BMP2K: variants seen among roughly 807,000 people sequenced by gnomAD.
BMP2K encodes BMP2 inducible kinase.
BMP2K carries 74 observed loss-of-function variants against 116.0 expected under a neutral mutation model. The observed-to-expected ratio is 0.64, with a 90% CI of 0.53 to 0.77. The LOEUF (loss-of-function observed/expected upper bound fraction) is 0.77. Ranked by LOEUF, BMP2K falls within the 30% of genes least tolerant of loss-of-function variation. The pLI is 0.00. For synonymous variants in BMP2K, 486 were observed against 502.5 expected (o/e 0.97, Z 0.44); for missense variants, 1,365 against 1,403.6 (o/e 0.97, Z 0.44).
intron 1 of BMP2K, among the ~76,000 whole-genome samples, chr4:78,818,353 T>C (rs1189991144): frequency 6.6e-6 from 1 of 152,204 alleles, no homozygotes; most frequent in African/African-American, 2.4e-5. Context: ...TCTTCCACAA[T>C]GGTTGAACTT....
chr4:78,904,309 A>G (rs1243683696), intron 15 of BMP2K, among the ~76,000 whole-genome samples: 1 of 151,926 alleles, frequency 6.6e-6, no homozygotes, highest in African/African-American at 2.4e-5. Flanking sequence ...GGCCTAATAT[A>G]GGGAGATAAG....
intron 14 of BMP2K, among the ~76,000 whole-genome samples, chr4:78,881,090 G>A (rs1191259829): frequency 1.3e-5 from 2 of 152,152 alleles, no homozygotes; most frequent in African/African-American, 4.8e-5. Context: ...TCACTCAACT[G>A]CTGTTAGTCT....
intron 1 of BMP2K, among the ~76,000 whole-genome samples, chr4:78,788,901 T>G (rs1342907318): frequency 1.3e-5 from 2 of 151,194 alleles, no homozygotes; most frequent in Non-Finnish European, 3.0e-5. Context: ...GGCTGTTTTT[T>G]TTTTTTTTTT....
In BMP2K at chr4:78,870,921, A is replaced by G. The variant is rs761424407; in HGVS notation, c.1370A>G (p.His457Arg). 27 of 1,611,836 alleles carry G rather than the reference A, an allele frequency of 1.7e-5. No homozygotes were observed. The highest frequency in any genetic ancestry group is 2.7e-5 in the African/African-American group (2 of 72,854). Residue 457 changes from histidine to arginine, a missense_variant, in exon 11 of 16, where the codon CAT (histidine) becomes CGT (arginine). His to Arg is a conservative substitution (Grantham distance 29). This residue lies in a region of BMP2K where 762 missense variants were observed against 756.7 expected (regional missense o/e 1.01). Coordinates refer to ENST00000502613, the MANE Select transcript of BMP2K (RefSeq NM_198892.2). Reference protein sequence around the residue: ...RLQQLHLQHRHPHQQQQQQQQ... With the variant: ...RLQQLHLQHRRPHQQQQQQQQ... ...CAGCAACTCCATTTACAGCATCGTC[A>G]TCCTCACCAGCAGCAGCAGCAGCAG...
intron 1 of BMP2K, among the ~76,000 whole-genome samples, chr4:78,779,739 T>C (rs1000764305): frequency 2.6e-5 from 4 of 152,214 alleles, no homozygotes; most frequent in African/African-American, 9.6e-5. Flanking sequence ...AAGCAGATTC[T>C]CAGGGGTAGG....
At chr4:78,871,721 A>G (rs1375567653) in intron 11 of BMP2K, 129 bp from the exon 12 acceptor site, 2 of 526,268 alleles carry the variant, frequency 3.8e-6, no homozygotes, top group African/African-American at 3.9e-5. Context: ...AGTAATTTAG[A>G]GTATAGCTAT....
intron 15 of BMP2K, among the ~76,000 whole-genome samples, chr4:78,900,972 GA>G (rs1733970621): frequency 6.6e-6 from 1 of 152,096 alleles, no homozygotes. Context: ...ATTGACTTTG[GA>G]ATTATAAAAC....
At chr4:78,864,865 CT>C (rs893159869) in intron 9 of BMP2K, among the ~76,000 whole-genome samples, 1 of 151,684 alleles carries the variant, frequency 6.6e-6, no homozygotes, top group African/African-American at 2.4e-5. Context: ...AATATTTTAC[CT>C]TTTTTGTTTT....
chr4:78,811,244 G>A (rs1190827871), intron 1 of BMP2K, among the ~76,000 whole-genome samples: 2 of 152,268 alleles, frequency 1.3e-5, no homozygotes, highest in East Asian at 3.9e-4. Flanking sequence ...AGAATCCTTG[G>A]AGTTTATCTG....
At chr4:78,809,098 C>T (rs1317579744) in intron 1 of BMP2K, among the ~76,000 whole-genome samples, 1 of 152,140 alleles carries the variant, frequency 6.6e-6, no homozygotes, top group Non-Finnish European at 1.5e-5. Flanking sequence ...CTCCTCAATT[C>T]TGTCAGTTTT....
chr4:78,838,354 A>T (rs1730595372), intron 3 of BMP2K, among the ~76,000 whole-genome samples: 1 of 152,182 alleles, frequency 6.6e-6, no homozygotes, highest in South Asian at 2.1e-4. Context: ...TTTTTTGTTC[A>T]AAGTTTTCTT....
intron 3 of BMP2K, among the ~76,000 whole-genome samples, chr4:78,838,134 C>T (rs1356593719): frequency 6.6e-6 from 1 of 152,186 alleles, no homozygotes; most frequent in Non-Finnish European, 1.5e-5. Context: ...ATGTGGATGG[C>T]AGCAGACAGA....
chr4:78,831,344 A>G (rs1560519579), intron 2 of BMP2K, among the ~76,000 whole-genome samples: 1 of 152,252 alleles, frequency 6.6e-6, no homozygotes, highest in Non-Finnish European at 1.5e-5. Flanking sequence ...TGACAGAGAC[A>G]CAAACTGAGC....
chr4:78,829,406 T>G (rs1227053568), intron 2 of BMP2K, among the ~76,000 whole-genome samples: 1 of 138,036 alleles, frequency 7.2e-6, no homozygotes, highest in Non-Finnish European at 1.5e-5. Context: ...TTTTTTGTTT[T>G]TTTTTTTTTT....
intron 9 of BMP2K, among the ~76,000 whole-genome samples, chr4:78,862,186 T>C (rs1034687783): frequency 1.3e-5 from 2 of 152,088 alleles, no homozygotes; most frequent in Admixed American, 1.3e-4. Flanking sequence ...CAAAAATATA[T>C]TTGTTCATAT....
At chr4:78,826,793 C>G (rs1212883169) in intron 2 of BMP2K, among the ~76,000 whole-genome samples, 1 of 151,370 alleles carries the variant, frequency 6.6e-6, no homozygotes, top group Non-Finnish European at 1.5e-5. Context: ...TTCTTAAATA[C>G]TTTTTAATTG....
intron 15 of BMP2K, among the ~76,000 whole-genome samples, chr4:78,904,695 A>C (rs1734200353): frequency 6.6e-6 from 1 of 151,938 alleles, no homozygotes; most frequent in Non-Finnish European, 1.5e-5. Flanking sequence ...GAAGTAAAGA[A>C]TTGAAAGAGC....
intron 15 of BMP2K, among the ~76,000 whole-genome samples, chr4:78,896,022 A>G (rs892044467): frequency 6.6e-6 from 1 of 152,126 alleles, no homozygotes; most frequent in African/African-American, 2.4e-5. Context: ...GCCTCCCACA[A>G]TGCTGGGATT....
intron 7 of BMP2K, among the ~76,000 whole-genome samples, chr4:78,852,329 T>C (rs747859634): frequency 1.2e-4 from 19 of 152,136 alleles, no homozygotes; most frequent in Non-Finnish European, 2.5e-4. Flanking sequence ...TTTTTATCAT[T>C]GCTAGTATAA....
Sources: gnomAD v4.1 joint callset for allele counts (sites outside exome capture counted in the v4.1 genomes callset) on GRCh38, gnomAD v4.1.1 for gene constraint, gnomAD v4.1.1 regional missense constraint, MANE v1.5 for transcripts, NCBI Gene and HGNC (gene_info 2026-07-23, HGNC 2026-07-21) for gene names.